PTPRD: variants seen among roughly 807,000 people sequenced by gnomAD.
The protein encoded by PTPRD is protein tyrosine phosphatase receptor type D.
PTPRD carries 34 observed loss-of-function variants against 214.5 expected under a neutral mutation model. The observed-to-expected ratio is 0.16, with a 90% CI of 0.12 to 0.21. PTPRD has a LOEUF of 0.21. Ranked by LOEUF, PTPRD falls within the 10% of genes least tolerant of loss-of-function variation. PTPRD has a pLI of 1.00. For missense variants in PTPRD, 2,545 were observed against 2,398.7 expected (o/e 1.06, Z -1.27); for synonymous variants, 1,128 against 845.7 (o/e 1.33, Z -5.79).
At chr9:9,995,518 C>A (rs1290858606) in intron 4 of PTPRD, among the ~76,000 whole-genome samples, 1 of 152,132 alleles carries the variant, frequency 6.6e-6, no homozygotes, top group African/African-American at 2.4e-5. Flanking sequence ...ATCCATTCTC[C>A]CTTTTCTCCA....
chr9:10,466,278 T>C (rs1444530175), intron 2 of PTPRD, among the ~76,000 whole-genome samples: 2 of 152,148 alleles, frequency 1.3e-5, no homozygotes, highest in Non-Finnish European at 2.9e-5. Context: ...AGTATTTGAA[T>C]GCAGGCAGAC....
At chr9:10,046,558 G>A (rs2097400712) in intron 3 of PTPRD, among the ~76,000 whole-genome samples, 1 of 151,810 alleles carries the variant, frequency 6.6e-6, no homozygotes. Flanking sequence ...AAGATTATCA[G>A]AAGTTGCCTC....
At chr9:8,443,918 A>G (rs1004761910) in intron 34 of PTPRD, among the ~76,000 whole-genome samples, 3 of 152,190 alleles carry the variant, frequency 2.0e-5, no homozygotes, top group Admixed American at 6.5e-5. Context: ...GTTTTCTTAT[A>G]TATCACCATC....
intron 7 of PTPRD, among the ~76,000 whole-genome samples, chr9:9,629,993 C>T (rs1487464898): frequency 2.0e-5 from 3 of 151,832 alleles, no homozygotes; most frequent in African/African-American, 7.3e-5. Flanking sequence ...TTTTTTCCAG[C>T]TTTTGGAAAG....
chr9:9,434,226 A>C (rs540287732), intron 8 of PTPRD, among the ~76,000 whole-genome samples: 1 of 152,310 alleles, frequency 6.6e-6, no homozygotes, highest in South Asian at 2.1e-4. Flanking sequence ...GATCTCTCTG[A>C]GCTTCTTCAC....
intron 9 of PTPRD, among the ~76,000 whole-genome samples, chr9:9,325,172 T>C (rs907151848): frequency 3.3e-5 from 5 of 152,134 alleles, no homozygotes; most frequent in African/African-American, 7.2e-5. Flanking sequence ...CTTGGCAATG[T>C]GGTCTCTTTT....
intron 35 of PTPRD, among the ~76,000 whole-genome samples, chr9:8,431,461 T>C (rs2095048700): frequency 6.6e-6 from 1 of 152,218 alleles, no homozygotes; most frequent in Non-Finnish European, 1.5e-5. Context: ...ACATCAAAAA[T>C]GCTCTTCTGT....
chr9:10,047,866 T>G (rs577827643), intron 3 of PTPRD, among the ~76,000 whole-genome samples: 48 of 152,294 alleles, frequency 3.2e-4, no homozygotes, highest in Non-Finnish European at 5.9e-4. Flanking sequence ...AATGGGCTAA[T>G]AGAGGTAAAA....
chr9:10,508,680 C>A (rs983155521), intron 2 of PTPRD, among the ~76,000 whole-genome samples: 5 of 152,006 alleles, frequency 3.3e-5, no homozygotes, highest in Non-Finnish European at 7.4e-5. Context: ...TCATTCTCAG[C>A]AAACTATCGC....
At chr9:9,353,799 AC>A (rs1244499007) in intron 9 of PTPRD, among the ~76,000 whole-genome samples, 2 of 151,832 alleles carry the variant, frequency 1.3e-5, no homozygotes, top group African/African-American at 2.4e-5. Flanking sequence ...TTAAAACAAC[AC>A]CCTTTTATTA....
chr9:9,098,452 T>A (rs1482751684), intron 10 of PTPRD, among the ~76,000 whole-genome samples: 1 of 152,158 alleles, frequency 6.6e-6, no homozygotes, highest in East Asian at 1.9e-4. Flanking sequence ...TTTCACCATG[T>A]TGGCCAGTCT....
At chr9:9,910,981 TC>T (rs2079021871) in intron 5 of PTPRD, among the ~76,000 whole-genome samples, 4 of 139,446 alleles carry the variant, frequency 2.9e-5, no homozygotes, top group Non-Finnish European at 4.6e-5. Flanking sequence ...TGGTTTGGTG[TC>T]TAGTTTCCAA....
At chr9:9,272,863 G>A (rs1159038511) in intron 9 of PTPRD, among the ~76,000 whole-genome samples, 2 of 151,224 alleles carry the variant, frequency 1.3e-5, no homozygotes, top group Non-Finnish European at 3.0e-5. Context: ...GCTCAAAGAA[G>A]TGCCCTGAAA....
In PTPRD at chr9:8,341,802, A is replaced by G; in HGVS notation, c.4838T>C (p.Val1613Ala). 6.2e-7 allele frequency: 1 copy of G among 1,613,598 alleles called. No homozygotes were observed. The highest frequency in any genetic ancestry group is 8.5e-7 in the Non-Finnish European group (1 of 1,179,724). ...TGGCACTTCGGTATTTCCACAAGTC[A>G]CTGCTTCTAACAGTGCATCATGGAT... ...IFIHDALLEAVTCGNTEVPAR... is the reference protein window; with the variant it reads ...IFIHDALLEAATCGNTEVPAR... Residue 1613 changes from valine to alanine, a missense_variant, in exon 40 of 46, where the codon GTG (valine) becomes GCG (alanine). By Grantham distance (64) the Val-to-Ala change is moderately conservative (BLOSUM62 0). Transcript: ENST00000381196.
intron 3 of PTPRD, among the ~76,000 whole-genome samples, chr9:10,192,425 T>C (rs2099367982): frequency 7.2e-6 from 1 of 139,180 alleles, no homozygotes; most frequent in Admixed American, 7.6e-5. Context: ...AGTCAAAGTA[T>C]TGGCAAGGTC....
At chr9:9,396,902 G>A (rs1445738790) in intron 9 of PTPRD, among the ~76,000 whole-genome samples, 2 of 151,996 alleles carry the variant, frequency 1.3e-5, no homozygotes, top group African/African-American at 4.8e-5. Flanking sequence ...ATTCTTCCAA[G>A]AGAGACATAA....
intron 21 of PTPRD, among the ~76,000 whole-genome samples, chr9:8,514,671 T>G (rs188913524): frequency 6.6e-6 from 1 of 152,308 alleles, no homozygotes; most frequent in Non-Finnish European, 1.5e-5. Context: ...TTTTCTCTCT[T>G]GCCTCTTTTC....
intron 10 of PTPRD, among the ~76,000 whole-genome samples, chr9:9,076,872 A>G (rs2099752025): frequency 6.6e-6 from 1 of 151,774 alleles, no homozygotes; most frequent in Admixed American, 6.6e-5. Flanking sequence ...TTTTGAGGAA[A>G]TTCCAAACTG....
chr9:8,766,187 GAA>G (rs5896254), intron 11 of PTPRD, among the ~76,000 whole-genome samples: 2 of 121,956 alleles, frequency 1.6e-5, no homozygotes, highest in Non-Finnish European at 1.8e-5. Flanking sequence ...TACCACTGAT[GAA>G]AAAAAAAAAA....
Sources: allele counts gnomAD v4.1 joint callset (sites outside exome capture counted in the v4.1 genomes callset), GRCh38; gene constraint gnomAD v4.1.1; transcripts MANE v1.5; gene names NCBI Gene and HGNC (gene_info 2026-07-23, HGNC 2026-07-21).